CSMD1: variants seen among roughly 807,000 people sequenced by gnomAD.
The protein encoded by CSMD1 is CUB and Sushi multiple domains 1, also known as CUB and sushi domain-containing protein 1.
CSMD1 carries 213 observed loss-of-function variants against 417.5 expected under a neutral mutation model. The observed-to-expected ratio is 0.51, with a 90% CI of 0.46 to 0.57. The LOEUF is 0.57. CSMD1 is among the 20% of genes least tolerant of loss of function. CSMD1 has a pLI of 0.00. For synonymous variants in CSMD1, 2,862 were observed against 1,736.8 expected (o/e 1.65, Z -16.11); for missense variants, 6,923 against 4,529.7 (o/e 1.53, Z -15.17).
At chr8:4,649,002 T>A (rs78156441) in intron 1 of CSMD1, among the ~76,000 whole-genome samples, 1,825 of 152,320 alleles carry the variant, frequency 0.012, 42 homozygotes, top group African/African-American at 0.041. Context: ...AATAAACATA[T>A]CTATACTGCG....
chr8:3,082,063 G>C (rs1585301703), intron 49 of CSMD1, among the ~76,000 whole-genome samples: 1 of 152,084 alleles, frequency 6.6e-6, no homozygotes. Flanking sequence ...CTTTTTACCT[G>C]CTTTCACGAG....
At chr8:4,454,110 C>T (rs887597454) in intron 2 of CSMD1, among the ~76,000 whole-genome samples, 2 of 152,164 alleles carry the variant, frequency 1.3e-5, no homozygotes, top group Non-Finnish European at 2.9e-5. Flanking sequence ...GCGTGAGCCA[C>T]TGTGCCCAGC....
At chr8:4,708,309 A>G (rs2116851802) in intron 1 of CSMD1, among the ~76,000 whole-genome samples, 1 of 152,180 alleles carries the variant, frequency 6.6e-6, no homozygotes, top group South Asian at 2.1e-4. Context: ...ATAGACATGC[A>G]TTTTCTCTCT....
At position 3,447,903 on chromosome 8, in the gene CSMD1, C is replaced by T. The variant is rs192083933; in HGVS notation, c.1561+20809G>A. Among the ~76,000 whole-genome samples the T allele has an allele frequency of 3.6e-4, 55 of 152,188 alleles. No individual in the cohort carries two copies. In the East Asian group the frequency reaches 4.9e-3, roughly 13 times the overall value. Reference sequence around the variant, plus strand: ...CCATGAACTGTAAGAGCAATGTAACCCCAGAGGAGCTGGAAGCTATTTTCT... The same window carrying T: ...CCATGAACTGTAAGAGCAATGTAACTCCAGAGGAGCTGGAAGCTATTTTCT... On this transcript the variant is annotated intron_variant, in intron 12 of 69. Coordinates refer to ENST00000635120, the MANE Select transcript of CSMD1 (RefSeq NM_033225.6).
At chr8:4,813,772 T>A (rs1418346651) in intron 1 of CSMD1, among the ~76,000 whole-genome samples, 3 of 152,128 alleles carry the variant, frequency 2.0e-5, no homozygotes, top group Non-Finnish European at 2.9e-5. Flanking sequence ...TTGGAGTAAT[T>A]TTACTGTTGC....
intron 23 of CSMD1, among the ~76,000 whole-genome samples, chr8:3,309,909 C>G (rs566166108): frequency 6.6e-6 from 1 of 152,308 alleles, no homozygotes; most frequent in South Asian, 2.1e-4. Context: ...CACTCAGTGA[C>G]TAAGAAAATT....
intron 38 of CSMD1, among the ~76,000 whole-genome samples, chr8:3,160,061 C>G (rs1250047954): frequency 1.3e-5 from 2 of 152,168 alleles, no homozygotes; most frequent in East Asian, 3.8e-4. Context: ...ACAAAAACAG[C>G]ATGTCAGTAC....
intron 2 of CSMD1, among the ~76,000 whole-genome samples, chr8:4,523,341 C>G (rs750090617): frequency 6.6e-6 from 1 of 152,132 alleles, no homozygotes; most frequent in Non-Finnish European, 1.5e-5. Context: ...TCAGCCTGGG[C>G]TGCTGCTTCA....
intron 12 of CSMD1, among the ~76,000 whole-genome samples, chr8:3,448,527 G>C (rs1033527391): frequency 6.6e-6 from 1 of 151,782 alleles, no homozygotes; most frequent in East Asian, 1.9e-4. Context: ...AGGCTGCTGT[G>C]GGTTTATTAA....
At chr8:3,023,456 T>G (rs1162099631) in intron 51 of CSMD1, among the ~76,000 whole-genome samples, 4 of 152,168 alleles carry the variant, frequency 2.6e-5, no homozygotes, top group African/African-American at 9.7e-5. Context: ...TGTAAAGACT[T>G]TGTGCTAGGA....
At chr8:4,745,962 C>A (rs1423409559) in intron 1 of CSMD1, among the ~76,000 whole-genome samples, 1 of 152,186 alleles carries the variant, frequency 6.6e-6, no homozygotes, top group African/African-American at 2.4e-5. Context: ...CATCGGTACG[C>A]TTTGAAGTAC....
At chr8:4,833,755 C>T (rs1800290234) in intron 1 of CSMD1, among the ~76,000 whole-genome samples, 1 of 152,148 alleles carries the variant, frequency 6.6e-6, no homozygotes, top group Non-Finnish European at 1.5e-5. Flanking sequence ...TTTACATTGA[C>T]TTCTATTCGT....
Position 4,384,920 on chromosome 8 carries a change from A to G in CSMD1, c.415+35033T>C, listed in dbSNP as rs80066695. Among the ~76,000 whole-genome samples, 558 of 152,310 alleles carry G rather than the reference A, an allele frequency of 3.7e-3. 23 individuals are homozygous for G. In the East Asian group the frequency reaches 0.094, roughly 26 times the overall value. ...AACAGAGTGGCTGGATGGCTTCCAG[A>G]TCAAGGTAATCATCTTCACATCAGG... is the stretch of plus-strand genomic sequence containing the variant. On this transcript the variant is annotated intron_variant, in intron 3 of 69. Transcript: ENST00000635120.
At chr8:3,362,715 C>T (rs977794843) in intron 20 of CSMD1, among the ~76,000 whole-genome samples, 3 of 152,156 alleles carry the variant, frequency 2.0e-5, no homozygotes, top group African/African-American at 2.4e-5. Context: ...GCTTTGCTTC[C>T]AGTGGTTTTC....
chr8:3,107,240 A>T (rs1221809465), intron 45 of CSMD1: 1 of 156,904 alleles, frequency 6.4e-6, no homozygotes, highest in African/African-American at 2.4e-5. Flanking sequence ...GTAAAAAGAT[A>T]CAGCAGAAAT....
intron 2 of CSMD1, among the ~76,000 whole-genome samples, chr8:4,569,294 T>G (rs1323246126): frequency 6.6e-6 from 1 of 152,240 alleles, no homozygotes; most frequent in Non-Finnish European, 1.5e-5. Flanking sequence ...ATTTAAGTCT[T>G]TAATCCATCT....
chr8:4,823,864 G>T (rs1349994128), intron 1 of CSMD1, among the ~76,000 whole-genome samples: 2 of 151,958 alleles, frequency 1.3e-5, no homozygotes, highest in Admixed American at 1.3e-4. Flanking sequence ...AGAATAAAAG[G>T]AAGGCTTAAT....
intron 1 of CSMD1, among the ~76,000 whole-genome samples, chr8:4,967,701 A>G (rs1809970746): frequency 2.6e-5 from 4 of 152,212 alleles, no homozygotes; most frequent in Admixed American, 2.6e-4. Flanking sequence ...TCAAATGTTA[A>G]TAAGTCTGTG....
At chr8:4,591,886 G>C (rs1415735224) in intron 2 of CSMD1, among the ~76,000 whole-genome samples, 2 of 152,110 alleles carry the variant, frequency 1.3e-5, no homozygotes, top group South Asian at 2.1e-4. Context: ...CCGGTGGGGA[G>C]GCTGAAAGTT....
Sources: allele counts gnomAD v4.1 joint callset (sites outside exome capture counted in the v4.1 genomes callset), GRCh38; gene constraint gnomAD v4.1.1; transcripts MANE v1.5; gene names NCBI Gene and HGNC (gene_info 2026-07-23, HGNC 2026-07-21).